FNDC3A: variants seen among roughly 807,000 people sequenced by gnomAD.
FNDC3A encodes fibronectin type III domain containing 3A, also known as fibronectin type-III domain-containing protein 3A.
Under a neutral mutation model 148.9 loss-of-function variants are expected in FNDC3A, and 32 were observed. The ratio of observed to expected loss-of-function variants is 0.21; its 90% CI spans 0.16 to 0.29. The LOEUF (loss-of-function observed/expected upper bound fraction) is 0.29, where lower values mean the gene tolerates loss of function less well. FNDC3A is among the 10% of genes least tolerant of loss of function. The pLI, the probability that FNDC3A is intolerant of heterozygous loss-of-function variation, is 1.00. For synonymous variants in FNDC3A, 472 were observed against 473.6 expected, an observed-to-expected ratio of 1.00 and a Z score of 0.04; for missense variants, 1,191 against 1,452.8, an observed-to-expected ratio of 0.82 and a Z score of 2.93.
chr13:49,188,433 G>A, intron 16 of FNDC3A, 82 bp from the exon 17 acceptor site: 1 of 765,166 alleles, frequency 1.3e-6, no homozygotes, highest in South Asian at 1.8e-5. Context: ...ACTTTGTGAA[G>A]CTAGGATACC....
intron 3 of FNDC3A, among the ~76,000 whole-genome samples, chr13:49,088,674 C>T (rs1878977668): frequency 6.6e-6 from 1 of 152,112 alleles, no homozygotes; most frequent in African/African-American, 2.4e-5. Context: ...ACAGTTTATG[C>T]ATTCTCCTGT....
chr13:48,998,918 A>G (rs1243142854), intron 1 of FNDC3A, among the ~76,000 whole-genome samples: 2 of 152,214 alleles, frequency 1.3e-5, no homozygotes, highest in African/African-American at 2.4e-5. Flanking sequence ...AGAACATGGG[A>G]TAGAATGAAG....
chr13:49,143,025 G>A (rs1264420572), intron 7 of FNDC3A, among the ~76,000 whole-genome samples: 1 of 152,058 alleles, frequency 6.6e-6, no homozygotes, highest in African/African-American at 2.4e-5. Context: ...ACACCACCAC[G>A]TCCAGATAAT....
At chr13:49,170,204 G>T (rs1884681224) in intron 10 of FNDC3A, among the ~76,000 whole-genome samples, 1 of 152,068 alleles carries the variant, frequency 6.6e-6, no homozygotes, top group Non-Finnish European at 1.5e-5. Context: ...AGATATCATT[G>T]TCACTGTTAT....
At chr13:49,190,188 G>GT (rs1885812207) in intron 17 of FNDC3A, among the ~76,000 whole-genome samples, 1 of 152,082 alleles carries the variant, frequency 6.6e-6, no homozygotes, top group African/African-American at 2.4e-5. Context: ...GCCCGGCCCA[G>GT]TGTGGCATTG....
Position 49,168,721 on chromosome 13 carries a change from G to A in FNDC3A, c.1146G>A (p.Arg382=), listed in dbSNP as rs376885305. 1.2e-6 allele frequency: 2 copies of A among 1,613,408 alleles called. No homozygotes were observed. Among genetic ancestry groups the A allele is most frequent in the African/African-American group, 2.7e-5 (2 of 74,888 alleles). The part of the protein sequence containing the change: ...DIPNPPRIAN[R]TKNSLTLQWK... ...CTAATCCACCAAGGATAGCCAATCG[G>A]ACCAAAAATTCACTCACTTTGCAAT... The change falls in exon 10 of 26, where the codon CGG becomes CGA. Residue 382 remains arginine, a synonymous_variant. Transcript: ENST00000492622.
intron 2 of FNDC3A, among the ~76,000 whole-genome samples, chr13:49,070,885 TTTTTTTTTGTTTTG>T (rs1333499939): frequency 1.4e-5 from 2 of 144,272 alleles, no homozygotes; most frequent in African/African-American, 5.1e-5. Context: ...GGATTTCTTT[TTTTTTTTTGTTTTG>T]TTTTTTTTCT....
At chr13:49,140,741 T>A (rs1190166966) in intron 7 of FNDC3A, among the ~76,000 whole-genome samples, 2 of 152,256 alleles carry the variant, frequency 1.3e-5, no homozygotes, top group Admixed American at 6.5e-5. Context: ...ACACGGGCTC[T>A]GCCACAAGGC....
chr13:49,110,894 T>C (rs937276803), intron 3 of FNDC3A, among the ~76,000 whole-genome samples: 16 of 152,154 alleles, frequency 1.1e-4, no homozygotes, highest in Non-Finnish European at 1.5e-4. Context: ...GAAGCAGGGG[T>C]GGGGAGCTTC....
chr13:49,009,322 C>T (rs1952288931), intron 2 of FNDC3A, among the ~76,000 whole-genome samples: 1 of 152,090 alleles, frequency 6.6e-6, no homozygotes, highest in South Asian at 2.1e-4. Flanking sequence ...TTGAATAATA[C>T]TTCATTGTAT....
intron 2 of FNDC3A, among the ~76,000 whole-genome samples, chr13:49,050,617 C>T (rs1875765496): frequency 6.6e-6 from 1 of 152,110 alleles, no homozygotes; most frequent in African/African-American, 2.4e-5. Context: ...GTATATTCTG[C>T]AGTTGTTGGG....
intron 2 of FNDC3A, among the ~76,000 whole-genome samples, chr13:49,012,409 A>T (rs1290469519): frequency 6.6e-6 from 1 of 152,006 alleles, no homozygotes; most frequent in Non-Finnish European, 1.5e-5. Flanking sequence ...TCTTTCATTG[A>T]TCTGTTTTAT....
chr13:49,078,246 A>G lies in FNDC3A; in HGVS notation c.175+2882A>G, dbSNP rs183176999. Among the ~76,000 whole-genome samples, 208 of 152,214 alleles carry G rather than the reference A, an allele frequency of 1.4e-3. 1 individual carries two copies. Among genetic ancestry groups the G allele is most frequent in the Non-Finnish European group, 2.3e-3 (155 of 67,996 alleles). On this transcript the variant is annotated intron_variant, in intron 3 of 25. Coordinates refer to ENST00000492622, the MANE Select transcript of FNDC3A (RefSeq NM_001079673.2). ...GTTAATTTGTAACTGCAATCTGTAA[A>G]CCCCACCTCCATAAATCAATTAAAT...
intron 1 of FNDC3A, among the ~76,000 whole-genome samples, chr13:48,987,612 C>T (rs531508097): frequency 3.5e-4 from 53 of 152,224 alleles, no homozygotes; most frequent in South Asian, 1.0e-3. Flanking sequence ...CTTATCCATC[C>T]GACCAACACT....
intron 2 of FNDC3A, among the ~76,000 whole-genome samples, chr13:49,011,638 A>T (rs1009168417): frequency 3.3e-5 from 5 of 152,118 alleles, no homozygotes; most frequent in African/African-American, 1.2e-4. Flanking sequence ...TCTACAAAAA[A>T]ATTTAAAATT....
At chr13:49,021,038 A>C (rs1198216782) in intron 2 of FNDC3A, among the ~76,000 whole-genome samples, 1 of 152,240 alleles carries the variant, frequency 6.6e-6, no homozygotes, top group Non-Finnish European at 1.5e-5. Context: ...GAGTTTATTC[A>C]TACTGAGAGA....
At chr13:49,193,251 T>C (rs1248152063) in intron 19 of FNDC3A, among the ~76,000 whole-genome samples, 2 of 152,142 alleles carry the variant, frequency 1.3e-5, no homozygotes, top group African/African-American at 2.4e-5. Context: ...TATGTATGTG[T>C]GTGTATAGAC....
At chr13:49,079,208 T>C (rs1878312066) in intron 3 of FNDC3A, among the ~76,000 whole-genome samples, 1 of 152,240 alleles carries the variant, frequency 6.6e-6, no homozygotes, top group African/African-American at 2.4e-5. Flanking sequence ...AAAGACAAAT[T>C]GCTAATTATT....
intron 8 of FNDC3A, among the ~76,000 whole-genome samples, chr13:49,158,613 A>G (rs1360094658): frequency 6.6e-6 from 1 of 152,152 alleles, no homozygotes; most frequent in Non-Finnish European, 1.5e-5. Flanking sequence ...GCAGAAGCTC[A>G]TTAGTTTAAT....
Sources: gnomAD v4.1 joint callset for allele counts (sites outside exome capture counted in the v4.1 genomes callset) on GRCh38, gnomAD v4.1.1 for gene constraint, MANE v1.5 for transcripts, NCBI Gene and HGNC (gene_info 2026-07-23, HGNC 2026-07-21) for gene names.